The following JAKMIP3 variants were observed in gnomAD, a reference collection of about 807,000 sequenced individuals.
JAKMIP3 encodes Janus kinase and microtubule interacting protein 3.
A neutral mutation model predicts 118.5 loss-of-function variants in JAKMIP3; 58 were observed. The observed-to-expected ratio is 0.49, with a 90% CI of 0.40 to 0.61. The LOEUF (loss-of-function observed/expected upper bound fraction) is 0.61, where lower values mean the gene tolerates loss of function less well. Ranked by LOEUF, JAKMIP3 falls within the 20% of genes least tolerant of loss-of-function variation. JAKMIP3 has a pLI of 0.00. For missense variants in JAKMIP3, 950 were observed against 1,109.0 expected (o/e 0.86, Z 2.04); for synonymous variants, 486 against 451.2 (o/e 1.08, Z -0.98).
intron 19 of JAKMIP3, among the ~76,000 whole-genome samples, chr10:132,155,446 C>T (rs572469664): frequency 1.3e-5 from 2 of 152,354 alleles, no homozygotes; most frequent in East Asian, 3.9e-4. Context: ...CTCCTTCCTG[C>T]ACTTGTGGAT....
intron 1 of JAKMIP3, among the ~76,000 whole-genome samples, chr10:132,096,912 A>T (rs1223874885): frequency 6.6e-6 from 1 of 152,214 alleles, no homozygotes; most frequent in Non-Finnish European, 1.5e-5. Flanking sequence ...ACTGGCTCAG[A>T]CAAACCATCC....
rs1356568478 is a variant in JAKMIP3, at chr10:132,145,101, C to T, written c.1603-6C>T. On this transcript the variant is annotated splice_region_variant and splice_polypyrimidine_tract_variant and intron_variant, in intron 11 of 23. Transcript: ENST00000684848. Reference sequence around the variant, plus strand: ...AATTTGATGTATCTTTCCTCCCGTCCTACAGACCCGTGAGCAGCTACAAGC... The same window carrying T: ...AATTTGATGTATCTTTCCTCCCGTCTTACAGACCCGTGAGCAGCTACAAGC... The T allele has an allele frequency of 1.9e-6, 3 of 1,611,206 alleles. No individual in the cohort carries two copies. In the African/African-American group the frequency reaches 4.0e-5, roughly 22 times the overall value.
intron 1 of JAKMIP3, among the ~76,000 whole-genome samples, chr10:132,057,132 G>T (rs2038259583): frequency 6.6e-6 from 1 of 152,196 alleles, no homozygotes; most frequent in Non-Finnish European, 1.5e-5. Flanking sequence ...ATGGGGGCTG[G>T]GAAGAGTGAA....
intron 1 of JAKMIP3, among the ~76,000 whole-genome samples, chr10:132,053,131 C>A (rs753615310): frequency 1.6e-4 from 25 of 152,172 alleles, no homozygotes; most frequent in Non-Finnish European, 2.9e-4. Context: ...TCCTGCCAGG[C>A]AGCTGGAGGC....
chr10:132,176,104 C>T (rs1403158302), intron 23 of JAKMIP3, among the ~76,000 whole-genome samples: 1 of 152,254 alleles, frequency 6.6e-6, no homozygotes, highest in African/African-American at 2.4e-5. Context: ...CAAGGTGCCT[C>T]ACCATGTTCC....
chr10:132,106,521 G>C (rs11146184), intron 2 of JAKMIP3, among the ~76,000 whole-genome samples: 21,677 of 152,182 alleles, frequency 0.14, 1,981 homozygotes, highest in Middle Eastern at 0.23. Context: ...TGGCCTGGAG[G>C]GGGGAGTGTT....
chr10:132,159,514 G>C (rs555359723), intron 19 of JAKMIP3, among the ~76,000 whole-genome samples: 1 of 138,642 alleles, frequency 7.2e-6, no homozygotes, highest in South Asian at 2.4e-4. Context: ...GATGCTGGGG[G>C]TGTGTCTTCC....
At position 132,127,535 on chromosome 10, in the gene JAKMIP3, G is replaced by A. The variant is rs148008711; in HGVS notation, c.634-5777G>A. On this transcript the variant is annotated intron_variant, in intron 3 of 23. Coordinates refer to ENST00000684848, the MANE Select transcript of JAKMIP3 (RefSeq NM_001323087.2). Reference sequence around the variant, plus strand: ...CTTCCAAAGTGCTGGGATTACAGGCGTGAGCCATGGCACCTCACTGCTTGC... The same window carrying A: ...CTTCCAAAGTGCTGGGATTACAGGCATGAGCCATGGCACCTCACTGCTTGC... Among the ~76,000 whole-genome samples the A allele has an allele frequency of 6.6e-3, 1,010 of 152,214 alleles. 10 individuals are homozygous for A. Among genetic ancestry groups the A allele is most frequent in the African/African-American group, 0.023 (939 of 41,524 alleles).
chr10:132,101,440 T>TA (rs1233184453), intron 1 of JAKMIP3, among the ~76,000 whole-genome samples: 1 of 152,264 alleles, frequency 6.6e-6, no homozygotes, highest in African/African-American at 2.4e-5. Context: ...GGGATGGGTC[T>TA]AAATGTTGAC....
At position 132,140,512 on chromosome 10, in the gene JAKMIP3, C is replaced by T. The variant is rs1262420637; in HGVS notation, c.1406C>T (p.Ser469Phe). The part of the protein sequence containing the change: ...DEEASLESDG[S>F]SVSYQTDRTD... ...GAGGCTTCCCTGGAATCCGACGGCT[C>T]CTCCGTCTCTTACCAAACAGACAGG... The change falls in exon 10 of 24, where the codon TCC (serine) becomes TTC (phenylalanine). Residue 469 changes from serine (S) to phenylalanine (F), a missense_variant. Physicochemically the swap from Ser to Phe is radical, Grantham distance 155. Transcript: ENST00000684848. 6.2e-7 allele frequency: 1 copy of T among 1,613,816 alleles called. No homozygotes were observed. The highest frequency in any genetic ancestry group is 2.2e-5 in the East Asian group (1 of 44,882).
At chr10:132,121,346 A>G (rs1351868808) in intron 3 of JAKMIP3, among the ~76,000 whole-genome samples, 1 of 152,134 alleles carries the variant, frequency 6.6e-6, no homozygotes, top group Non-Finnish European at 1.5e-5. Context: ...GGTTCTCCCA[A>G]CGAGAGACAG....
rs955568376 is a variant in JAKMIP3, at chr10:132,163,274, T to C, written c.2286T>C (p.Ala762=). The C allele has an allele frequency of 6.3e-7, 1 of 1,594,422 alleles. No individual in the cohort carries two copies. Among genetic ancestry groups the C allele is most frequent in the Non-Finnish European group, 8.5e-7 (1 of 1,171,520 alleles). Residue 762 remains alanine (A), a synonymous_variant, in exon 20 of 24, where the codon GCT becomes GCC. Coordinates refer to ENST00000684848, the MANE Select transcript of JAKMIP3 (RefSeq NM_001323087.2). Reference sequence around the variant, plus strand: ...AGCAGGAGGCCGGGGCTAAGGTGGCTGAGCTGCTGTCAGAGGAGGAGCGCG... The same window carrying C: ...AGCAGGAGGCCGGGGCTAAGGTGGCCGAGCTGCTGTCAGAGGAGGAGCGCG... ...ALQQEAGAKV[A]ELLSEEEREK... is the part of the protein sequence containing the mutation.
At chr10:132,156,197 C>T (rs1215110515) in intron 19 of JAKMIP3, among the ~76,000 whole-genome samples, 2 of 152,194 alleles carry the variant, frequency 1.3e-5, no homozygotes, top group East Asian at 1.9e-4. Context: ...AGGCTCCAGG[C>T]CCCCGCCTCC....
In JAKMIP3 at chr10:132,133,450, C is replaced by T. The variant is rs779992728; in HGVS notation, c.772C>T (p.Arg258Trp). ...GCTGTCCCAGGTCCGAGAGGCCGAC[C>T]GGCACCCGGGCAGCCCCAGACGGGA... ...EQLSQVREADRHPGSPRRELP... is the reference protein window; with the variant it reads ...EQLSQVREADWHPGSPRRELP... The change falls in exon 4 of 24, where the codon CGG becomes TGG. Residue 258 changes from arginine (R) to tryptophan (W), a missense_variant. Physicochemically the swap from Arg to Trp is moderately radical, Grantham distance 101. Transcript: ENST00000684848. The T allele has an allele frequency of 1.4e-5, 23 of 1,587,410 alleles. No homozygotes were observed. The highest frequency in any genetic ancestry group is 1.3e-5 in the African/African-American group (1 of 74,272).
chr10:132,127,224 C>CTTT (rs11354978), intron 3 of JAKMIP3, among the ~76,000 whole-genome samples: 1 of 129,022 alleles, frequency 7.8e-6, no homozygotes, highest in Non-Finnish European at 1.7e-5. Context: ...TTAGACTTTT[C>CTTT]TTTTTTTTTT....
intron 1 of JAKMIP3, among the ~76,000 whole-genome samples, chr10:132,046,317 G>C (rs1030944905): frequency 2.0e-5 from 3 of 152,130 alleles, no homozygotes; most frequent in African/African-American, 2.4e-5. Flanking sequence ...ATAGCTGGGC[G>C]TGGTGGCGGG....
At position 132,114,264 on chromosome 10, in the gene JAKMIP3, A is replaced by G. The variant is rs182888496; in HGVS notation, c.136-2813A>G. ...AGGGTCTCATTCTGTCACCCAGGCT[A>G]TAGTGCAGTGGTGCGATCACAGCTC... On this transcript the variant is annotated intron_variant, in intron 2 of 23. Transcript: ENST00000684848. Among the ~76,000 whole-genome samples the G allele has an allele frequency of 1.7e-3, 263 of 152,360 alleles. 2 individuals carry two copies. The highest frequency in any genetic ancestry group is 3.8e-3 in the East Asian group (20 of 5,196).
At chr10:132,114,854 A>G (rs1353961362) in intron 2 of JAKMIP3, among the ~76,000 whole-genome samples, 1 of 152,144 alleles carries the variant, frequency 6.6e-6, no homozygotes, top group Non-Finnish European at 1.5e-5. Context: ...GGTTTTTTTG[A>G]TACCATTATA....
At position 132,087,847 on chromosome 10, in the gene JAKMIP3, TC is replaced by T. The variant is rs2042592025; in HGVS notation, c.-137-16822del. 2.6e-5 allele frequency among the ~76,000 whole-genome samples: 4 copies of T among 152,188 alleles called. No individual in the cohort carries two copies. The South Asian group carries it at 8.3e-4, about 32-fold the overall frequency. ...ACATTAGGTATATCTCCTAATGCTA[TC>T]CCTCCCCACTCCCCGCACCCCATGA... On this transcript the variant is annotated intron_variant, in intron 1 of 23. Transcript: ENST00000684848.
Sources: allele counts gnomAD v4.1 joint callset (sites outside exome capture counted in the v4.1 genomes callset), GRCh38; gene constraint gnomAD v4.1.1; transcripts MANE v1.5; gene names NCBI Gene and HGNC (gene_info 2026-07-23, HGNC 2026-07-21).